The following ATXN7L1 variants were observed in gnomAD, a reference collection of about 807,000 sequenced individuals.
ATXN7L1 encodes the protein ataxin-7-like protein 1.
Under a neutral mutation model 70.8 loss-of-function variants are expected in ATXN7L1, and 15 were observed. The ratio of observed to expected loss-of-function variants is 0.21; its 90% CI spans 0.14 to 0.33. The LOEUF (loss-of-function observed/expected upper bound fraction) is 0.33. ATXN7L1 is among the 10% of genes least tolerant of loss of function. ATXN7L1 has a pLI of 1.00. For synonymous variants in ATXN7L1, 440 were observed against 445.1 expected (o/e 0.99, Z 0.14); for missense variants, 975 against 1,097.1 (o/e 0.89, Z 1.57).
At chr7:105,781,785 A>G (rs1329340551) in intron 3 of ATXN7L1, among the ~76,000 whole-genome samples, 3 of 152,260 alleles carry the variant, frequency 2.0e-5, no homozygotes, top group Non-Finnish European at 4.4e-5. Flanking sequence ...ACACAGAGGC[A>G]AAGTAACCTG....
intron 11 of ATXN7L1, among the ~76,000 whole-genome samples, chr7:105,609,180 T>C (rs1374961932): frequency 1.3e-5 from 2 of 152,110 alleles, no homozygotes; most frequent in Non-Finnish European, 2.9e-5. Context: ...CCTCCTCTTT[T>C]TTTTTTTGAG....
At chr7:105,806,470 T>C (rs1807627520) in intron 2 of ATXN7L1, among the ~76,000 whole-genome samples, 1 of 152,062 alleles carries the variant, frequency 6.6e-6, no homozygotes. Context: ...CCGAGCAGAC[T>C]GAGGACATAT....
At chr7:105,641,091 G>T (rs1358489611) in intron 5 of ATXN7L1, among the ~76,000 whole-genome samples, 1 of 152,120 alleles carries the variant, frequency 6.6e-6, no homozygotes, top group Non-Finnish European at 1.5e-5. Flanking sequence ...GGTTGCAATG[G>T]TGTTACTGAT....
intron 3 of ATXN7L1, among the ~76,000 whole-genome samples, chr7:105,781,876 A>G (rs1465003141): frequency 6.6e-6 from 1 of 152,104 alleles, no homozygotes; most frequent in Non-Finnish European, 1.5e-5. Flanking sequence ...GTCTTGCTCC[A>G]TTGCCCAGGC....
chr7:105,658,928 G>A (rs1441857479), intron 4 of ATXN7L1, among the ~76,000 whole-genome samples: 2 of 152,184 alleles, frequency 1.3e-5, no homozygotes, highest in African/African-American at 4.8e-5. Context: ...CGGATCATGA[G>A]GAGTTCAAGA....
intron 7 of ATXN7L1, among the ~76,000 whole-genome samples, chr7:105,625,503 A>G (rs1224571346): frequency 6.6e-6 from 1 of 152,108 alleles, no homozygotes; most frequent in Non-Finnish European, 1.5e-5. Flanking sequence ...TGCCCACCTC[A>G]GCCTCCCAAA....
intron 2 of ATXN7L1, among the ~76,000 whole-genome samples, chr7:105,843,122 C>T (rs1182915186): frequency 6.6e-6 from 1 of 152,160 alleles, no homozygotes; most frequent in Non-Finnish European, 1.5e-5. Flanking sequence ...GCAGGGAAAC[C>T]GAATACCCAA....
chr7:105,616,991 G>A (rs905971227), intron 9 of ATXN7L1, among the ~76,000 whole-genome samples: 2 of 152,156 alleles, frequency 1.3e-5, no homozygotes, highest in African/African-American at 4.8e-5. Flanking sequence ...CTCATTTAGA[G>A]AGGATCCCAA....
At chr7:105,809,650 C>T (rs886748869) in intron 2 of ATXN7L1, among the ~76,000 whole-genome samples, 1 of 152,180 alleles carries the variant, frequency 6.6e-6, no homozygotes, top group African/African-American at 2.4e-5. Context: ...GTATTTAGCC[C>T]TCACAGAAAC....
chr7:105,650,932 T>G (rs1799740644), intron 4 of ATXN7L1, among the ~76,000 whole-genome samples: 1 of 152,062 alleles, frequency 6.6e-6, no homozygotes, highest in African/African-American at 2.4e-5. Flanking sequence ...GAATGTGGAG[T>G]GTTGGAAGAT....
At chr7:105,761,410 T>A in intron 3 of ATXN7L1, 1 of 1,614,182 alleles carries the variant, frequency 6.2e-7, no homozygotes, top group Non-Finnish European at 8.5e-7. Flanking sequence ...GCTTGGCTGC[T>A]CTCTGGTCCA....
chr7:105,733,506 C>CCATCCATCCATCCATT (rs1563048370), intron 3 of ATXN7L1, among the ~76,000 whole-genome samples: 14 of 103,434 alleles, frequency 1.4e-4, no homozygotes, highest in African/African-American at 6.3e-4. Context: ...ATCCATCCTT[C>CCATCCATCCATCCATT]CATCCATCCA....
intron 2 of ATXN7L1, among the ~76,000 whole-genome samples, chr7:105,870,438 T>C (rs1390329648): frequency 2.0e-5 from 3 of 152,186 alleles, no homozygotes; most frequent in African/African-American, 7.2e-5. Flanking sequence ...CTAATTAGAA[T>C]AAAGTTTTCT....
At chr7:105,817,368 T>C (rs1167825167) in intron 2 of ATXN7L1, among the ~76,000 whole-genome samples, 1 of 152,192 alleles carries the variant, frequency 6.6e-6, no homozygotes, top group African/African-American at 2.4e-5. Context: ...TTTCTTCTGA[T>C]TATATTAAAG....
In ATXN7L1 at chr7:105,614,573, C is replaced by A; in HGVS notation, c.1761G>T (p.Val587=). 1.9e-6 allele frequency: 3 copies of A among 1,550,466 alleles called. No homozygotes were observed. In the South Asian group the frequency reaches 3.6e-5, roughly 18 times the overall value. ...LMSHTTAFPH[V]AATLSIMDST... is the part of the protein sequence containing the mutation. ...AGTCCATGATGCTGAGGGTTGCGGC[C>A]ACATGAGGGAAAGCTGTGGTGTGGG... is the stretch of plus-strand genomic sequence containing the variant. Residue 587 remains valine, a synonymous_variant, in exon 10 of 12, where the codon GTG becomes GTT. Coordinates refer to ENST00000419735, the MANE Select transcript of ATXN7L1 (RefSeq NM_020725.2). This position sits in a 1 kb window ranked among gnomAD's most constrained non-coding sequence, Gnocchi z 4.3.
chr7:105,673,061 G>T (rs148903428), intron 3 of ATXN7L1, among the ~76,000 whole-genome samples: 121 of 152,330 alleles, frequency 7.9e-4, no homozygotes, highest in African/African-American at 2.8e-3. Flanking sequence ...CAAGCAGGGA[G>T]CTTGCAGACA....
intron 2 of ATXN7L1, among the ~76,000 whole-genome samples, chr7:105,802,552 T>C (rs1353465888): frequency 6.6e-6 from 1 of 152,226 alleles, no homozygotes; most frequent in Non-Finnish European, 1.5e-5. Flanking sequence ...CAGCAAATCC[T>C]ACTATGCTCT....
At chr7:105,636,104 G>A (rs964710207) in intron 7 of ATXN7L1, among the ~76,000 whole-genome samples, 2 of 152,114 alleles carry the variant, frequency 1.3e-5, no homozygotes, top group Non-Finnish European at 2.9e-5. Flanking sequence ...CCTCAAAGAT[G>A]ACTCTGTGGG....
chr7:105,692,799 G>A (rs1355050654), intron 3 of ATXN7L1, among the ~76,000 whole-genome samples: 1 of 152,036 alleles, frequency 6.6e-6, no homozygotes. Context: ...GTGCAGTGGT[G>A]CCATCAGAGC....
Sources: gnomAD v4.1 joint callset for allele counts (sites outside exome capture counted in the v4.1 genomes callset) on GRCh38, gnomAD v4.1.1 for gene constraint, Gnocchi (gnomAD v3.1) non-coding constraint, MANE v1.5 for transcripts, NCBI Gene and HGNC (gene_info 2026-07-23, HGNC 2026-07-21) for gene names.